Variants in ROBO1 observed in about 807,000 individuals in gnomAD.
ROBO1 encodes roundabout guidance receptor 1, also known as roundabout homolog 1.
In ROBO1, 149 loss-of-function variants were observed where a neutral mutation model predicts 195.9. That is an observed-to-expected ratio of 0.76 (90% CI 0.67 to 0.87). The LOEUF (loss-of-function observed/expected upper bound fraction) is 0.87. Ranked by LOEUF, ROBO1 falls within the 40% of genes least tolerant of loss-of-function variation. The pLI, the probability that ROBO1 is intolerant of heterozygous loss-of-function variation, is 0.00. For missense variants in ROBO1, 1,933 were observed against 2,068.3 expected (o/e 0.93, Z 1.27); for synonymous variants, 816 against 733.2 (o/e 1.11, Z -1.82).
rs1018977462 is a variant in ROBO1 at position 78,926,537 on chromosome 3, A to G, written c.499+12064T>C. On this transcript the variant is annotated intron_variant, in intron 4 of 30. Transcript: ENST00000464233. ...TTGGATGGATAATGGCATCATTATC[A>G]TCGTTAGGAAATAATAGAGGAAAGT... Among the ~76,000 whole-genome samples, 5 of 152,280 alleles carry G rather than the reference A, an allele frequency of 3.3e-5. No individual in the cohort carries two copies. The East Asian group carries it at 7.7e-4, about 24-fold the overall frequency.
intron 2 of ROBO1, among the ~76,000 whole-genome samples, chr3:79,240,850 C>A (rs2082500765): frequency 6.6e-6 from 1 of 151,926 alleles, no homozygotes; most frequent in South Asian, 2.1e-4. Context: ...CTCATGTTGT[C>A]CAGGATGTTC....
chr3:78,684,591 A>C (rs1026600698), intron 10 of ROBO1, among the ~76,000 whole-genome samples: 1 of 152,136 alleles, frequency 6.6e-6, no homozygotes. Context: ...AAGAAAATGT[A>C]ATTTGGGGAG....
intron 3 of ROBO1, among the ~76,000 whole-genome samples, chr3:79,047,033 A>G (rs1442254309): frequency 6.6e-6 from 1 of 152,144 alleles, no homozygotes; most frequent in Non-Finnish European, 1.5e-5. Context: ...CTTTGGAAGT[A>G]GGCAGCATGT....
chr3:79,302,428 T>C (rs2033005337), intron 2 of ROBO1, among the ~76,000 whole-genome samples: 3 of 152,196 alleles, frequency 2.0e-5, no homozygotes, highest in Non-Finnish European at 2.9e-5. Flanking sequence ...CATAAGTGTA[T>C]TTGCTTTTTG....
chr3:79,166,857 C>T (rs1208369734), intron 2 of ROBO1, among the ~76,000 whole-genome samples: 1 of 152,138 alleles, frequency 6.6e-6, no homozygotes, highest in African/African-American at 2.4e-5. Context: ...GTGCCTAAAT[C>T]AGTAAAGGAT....
intron 2 of ROBO1, among the ~76,000 whole-genome samples, chr3:79,246,893 C>T (rs1202495724): frequency 6.6e-6 from 1 of 151,864 alleles, no homozygotes; most frequent in African/African-American, 2.4e-5. Context: ...CCACTGAGTG[C>T]CAAACACCAT....
At chr3:78,760,432 G>A (rs1055613060) in intron 4 of ROBO1, among the ~76,000 whole-genome samples, 6 of 152,098 alleles carry the variant, frequency 3.9e-5, no homozygotes, top group East Asian at 1.9e-4. Flanking sequence ...TTGGGAGGCC[G>A]AGGCAGGAGG....
At chr3:79,260,107 A>T (rs559891855) in intron 2 of ROBO1, among the ~76,000 whole-genome samples, 2,613 of 145,848 alleles carry the variant, frequency 0.018, 59 homozygotes, top group African/African-American at 0.057. Flanking sequence ...CACACACACA[A>T]ATATATATAT....
intron 1 of ROBO1, among the ~76,000 whole-genome samples, chr3:79,705,295 ATCT>A (rs1025844039): frequency 1.3e-5 from 2 of 151,858 alleles, no homozygotes; most frequent in Non-Finnish European, 2.9e-5. Flanking sequence ...TTCTCTTATA[ATCT>A]TCTAAGAGTT....
chr3:79,187,360 G>A (rs1308205023), intron 2 of ROBO1, among the ~76,000 whole-genome samples: 2 of 151,884 alleles, frequency 1.3e-5, no homozygotes, highest in African/African-American at 2.4e-5. Context: ...TCTCTCTACT[G>A]TGACGATTCT....
At chr3:79,061,439 T>C (rs1480218733) in intron 3 of ROBO1, among the ~76,000 whole-genome samples, 2 of 152,124 alleles carry the variant, frequency 1.3e-5, no homozygotes, top group Non-Finnish European at 2.9e-5. Context: ...AGGTAATTTA[T>C]AGATTCAATG....
intron 2 of ROBO1, among the ~76,000 whole-genome samples, chr3:79,416,045 A>G (rs1343002161): frequency 6.6e-6 from 1 of 151,776 alleles, no homozygotes; most frequent in African/African-American, 2.4e-5. Context: ...AGGAATGATG[A>G]GTGTTGGGTC....
chr3:79,728,038 C>T (rs944711021), intron 1 of ROBO1, among the ~76,000 whole-genome samples: 5 of 152,004 alleles, frequency 3.3e-5, no homozygotes, highest in South Asian at 2.1e-4. Flanking sequence ...AAAATAATCA[C>T]GCCCCAAGTG....
rs75424325 is a variant in ROBO1, at chr3:78,971,070, G to A, written c.173-32143C>T. 2.6e-3 allele frequency among the ~76,000 whole-genome samples: 399 copies of A among 152,244 alleles called. 2 individuals are homozygous for A. The highest frequency in any genetic ancestry group is 9.2e-3 in the African/African-American group (384 of 41,546). On this transcript the variant is annotated intron_variant, in intron 3 of 30. Transcript: ENST00000464233. ...AGCAGTTTCTTAGATTTGGTTCAGAGTAGAATCACTGGGGAAATTCCTATT... is the reference window on the plus strand; with the variant it reads ...AGCAGTTTCTTAGATTTGGTTCAGAATAGAATCACTGGGGAAATTCCTATT...
At chr3:79,713,661 C>T (rs1702366298) in intron 1 of ROBO1, among the ~76,000 whole-genome samples, 1 of 152,082 alleles carries the variant, frequency 6.6e-6, no homozygotes, top group Admixed American at 6.6e-5. Context: ...GACATGAAGT[C>T]CTTGCCCATG....
At chr3:78,710,664 T>C (rs1164665088) in intron 8 of ROBO1, among the ~76,000 whole-genome samples, 2 of 152,218 alleles carry the variant, frequency 1.3e-5, no homozygotes, top group African/African-American at 4.8e-5. Flanking sequence ...TAAACTCTTC[T>C]AGGTTACATA....
intron 4 of ROBO1, among the ~76,000 whole-genome samples, chr3:78,898,505 G>A (rs1340711902): frequency 9.5e-5 from 14 of 147,698 alleles, no homozygotes; most frequent in African/African-American, 1.5e-4. Flanking sequence ...CTCCTGCCTC[G>A]GCCTCCCAAG....
intron 2 of ROBO1, among the ~76,000 whole-genome samples, chr3:79,156,883 A>C (rs928263809): frequency 6.6e-6 from 1 of 151,818 alleles, no homozygotes; most frequent in Admixed American, 6.6e-5. Flanking sequence ...TAAGCCTCTT[A>C]TAATTGTGTT....
chr3:79,011,702 TTA>T (rs1256520655), intron 3 of ROBO1, among the ~76,000 whole-genome samples: 3 of 149,592 alleles, frequency 2.0e-5, no homozygotes, highest in East Asian at 1.9e-4. Context: ...TCATAATATA[TTA>T]TATATATGTT....
Sources: gnomAD v4.1 joint callset for allele counts (sites outside exome capture counted in the v4.1 genomes callset) on GRCh38, gnomAD v4.1.1 for gene constraint, MANE v1.5 for transcripts, NCBI Gene and HGNC (gene_info 2026-07-23, HGNC 2026-07-21) for gene names.